SV2A: variants seen among roughly 807,000 people sequenced by gnomAD.
The protein encoded by SV2A is solute carrier family 22 member B1.
In SV2A, 25 loss-of-function variants were observed where a neutral mutation model predicts 78.0. The ratio of observed to expected loss-of-function variants is 0.32; its 90% confidence interval spans 0.23 to 0.45. The LOEUF (loss-of-function observed/expected upper bound fraction) is 0.45. Ranked by LOEUF, SV2A falls within the 20% of genes least tolerant of loss-of-function variation. The probability of loss-of-function intolerance (pLI) is 1.00; values close to 1 mark genes in which losing one functional copy is unlikely to be tolerated. For missense variants in SV2A, 752 were observed against 971.5 expected (o/e 0.77, Z 3.00); for synonymous variants, 355 against 384.7 (o/e 0.92, Z 0.90).
In SV2A at chr1:149,906,855, G is replaced by T; in HGVS notation, c.1680C>A (p.Asp560Glu). ...TGTTCACAAACTTGTACTCGAACAG[G>T]TCTGTGGGCAAAGGCCAAGATAAGC... The part of the protein sequence containing the change: ...TFINTVFYNT[D>E]LFEYKFVNSR... Residue 560 changes from aspartate to glutamate, a missense_variant and splice_region_variant, in exon 11 of 13, where the codon GAC (aspartate) becomes GAA (glutamate). Physicochemically the swap from Asp to Glu is conservative, Grantham distance 45. Coordinates refer to ENST00000369146, the MANE Select transcript of SV2A (RefSeq NM_014849.5). 2 of 1,614,164 alleles carry T rather than the reference G, an allele frequency of 1.2e-6. No individual in the cohort carries two copies. Among genetic ancestry groups the T allele is most frequent in the East Asian group, 2.2e-5 (1 of 44,892 alleles).
chr1:149,905,525 C>T (rs1341615413), intron 12 of SV2A: 1 of 294,096 alleles, frequency 3.4e-6, no homozygotes, highest in Non-Finnish European at 6.3e-6. Context: ...GCGATCTCGG[C>T]TCACTGAAAG....
Position 149,909,861 on chromosome 1 carries a change from C to T in SV2A, c.1119G>A (p.Val373=), listed in dbSNP as rs782626021. The part of the protein sequence containing the change: ...ENGKHDEAWM[V]LKQVHDTNMR... ...TGTTGGTATCATGGACCTGCTTCAG[C>T]ACCATCCAGGCCTCATCATGCTTTC... The change falls in exon 6 of 13, where the codon GTG becomes GTA. Residue 373 remains valine, a synonymous_variant. Transcript: ENST00000369146. 6.8e-6 allele frequency: 11 copies of T among 1,614,110 alleles called. No individual in the cohort carries two copies. Among genetic ancestry groups the T allele is most frequent in the Non-Finnish European group, 8.5e-6 (10 of 1,180,010 alleles).
chr1:149,917,134 C>T (rs2092519588), intron 1 of SV2A, among the ~76,000 whole-genome samples: 1 of 152,034 alleles, frequency 6.6e-6, no homozygotes, highest in Non-Finnish European at 1.5e-5. Context: ...TCCACCTTCA[C>T]TCAACATCCC....
At chr1:149,912,081 T>C in intron 2 of SV2A, 101 bp from the exon 3 acceptor site, 1 of 1,247,890 alleles carries the variant, frequency 8.0e-7, no homozygotes, top group Non-Finnish European at 1.1e-6. Context: ...GAAAAACTTC[T>C]AGAAGGTAAG....
Position 149,905,034 on chromosome 1 carries a change from G to A in SV2A, c.2209C>T (p.Arg737Trp), listed in dbSNP as rs368258942. The A allele has an allele frequency of 5.6e-6, 9 of 1,611,856 alleles. No individual in the cohort carries two copies. The highest frequency in any genetic ancestry group is 2.2e-5 in the South Asian group (2 of 90,454). The change falls in exon 13 of 13, where the codon CGG (arginine) becomes TGG (tryptophan). Residue 737 changes from arginine (R) to tryptophan (W), a missense_variant. Physicochemically the swap from Arg to Trp is moderately radical, Grantham distance 101. Around this residue, in one of 7 missense-constraint regions of SV2A, gnomAD observed 186 missense variants for 274.6 expected, o/e 0.68. Transcript: ENST00000369146. ...CCCCTTCACTGCAGCACCTGCCCCC[G>A]GGTCTCAGGCAGCTTCAGGGCCAGA... The part of the protein sequence containing the change: ...SSLALKLPET[R>W]GQVLQ
chr1:149,907,451 C>G (rs1553762933), intron 10 of SV2A, among the ~76,000 whole-genome samples: 2 of 152,188 alleles, frequency 1.3e-5, no homozygotes, highest in African/African-American at 4.8e-5. Flanking sequence ...TTTTACCTCA[C>G]TGAGTTATAA....
At position 149,916,152 on chromosome 1, in the gene SV2A, T is replaced by C. The variant is rs782635008; in HGVS notation, c.-348+1587A>G. 1.8e-4 allele frequency among the ~76,000 whole-genome samples: 27 copies of C among 152,226 alleles called. No individual in the cohort carries two copies. In the South Asian group the frequency reaches 3.9e-3, roughly 22 times the overall value. On this transcript the variant is annotated intron_variant, in intron 1 of 12. Transcript: ENST00000369146. ...TGGCAATTTGCTAGCTTTCCTCTCT[T>C]TCCTAACCAGGATCTCCCCTCCAGC...
rs781934496 is a variant in SV2A at position 149,913,295 on chromosome 1, C to T, written c.546G>A (p.Glu182=). 1.2e-6 allele frequency: 2 copies of T among 1,614,190 alleles called. No individual in the cohort carries two copies. Among genetic ancestry groups the T allele is most frequent in the South Asian group, 2.2e-5 (2 of 91,086 alleles). ...LGLALMADGV[E]VFVVGFVLPS... is the part of the protein sequence containing the mutation. The stretch of plus-strand genomic sequence containing the variant: ...GCAGCACGAAGCCCACCACAAAGAC[C>T]TCCACACCGTCAGCCATCAGCGCCA... The change falls in exon 2 of 13, where the codon GAG becomes GAA. Residue 182 remains glutamate (E), a synonymous_variant. Transcript: ENST00000369146.
chr1:149,917,504 C>T (rs1214165655), intron 1 of SV2A, among the ~76,000 whole-genome samples: 4 of 152,142 alleles, frequency 2.6e-5, no homozygotes, highest in Admixed American at 6.5e-5. Context: ...CACCCCTCCT[C>T]CCCATTCACC....
chr1:149,906,167 G>T, intron 11 of SV2A, 128 bp from the exon 12 acceptor site: 1 of 1,125,952 alleles, frequency 8.9e-7, no homozygotes, highest in Non-Finnish European at 1.2e-6. Context: ...ATCCAACCAA[G>T]GTATCCAAAA....
Position 149,905,953 on chromosome 1 carries a change from A to G in SV2A, c.1972T>C (p.Phe658Leu). Residue 658 changes from phenylalanine (F) to leucine (L), a missense_variant, in exon 12 of 13, where the codon TTT (phenylalanine) becomes CTT (leucine). By Grantham distance (22) the Phe-to-Leu change is conservative. Transcript: ENST00000369146. ...ESAMIALLCLFGGVSIASWNA... is the reference protein window; with the variant it reads ...ESAMIALLCLLGGVSIASWNA... ...CAGGATGCAATGCTGACCCCGCCAAAAAGGCAGAGCAGAGCGATCATGGCC... is the reference window on the plus strand; with the variant it reads ...CAGGATGCAATGCTGACCCCGCCAAGAAGGCAGAGCAGAGCGATCATGGCC... The G allele has an allele frequency of 6.2e-7, 1 of 1,614,210 alleles. No homozygotes were observed. The highest frequency in any genetic ancestry group is 1.1e-5 in the South Asian group (1 of 91,080).
At position 149,914,072 on chromosome 1, in the gene SV2A, G is replaced by A. The variant is rs1406226659; in HGVS notation, c.-232C>T. 1.9e-6 allele frequency: 1 copy of A among 515,268 alleles called. No homozygotes were observed. Among genetic ancestry groups the A allele is most frequent in the Non-Finnish European group, 3.2e-6 (1 of 307,784 alleles). 31.9% of individuals were successfully genotyped at this position (515,268 alleles called of 1,614,324 possible). A position where few individuals can be genotyped will look rare whatever the true frequency, so the allele number is the denominator to read the frequency against. ...CTATACCCAGTTCAGTTGGGTGGAT[G>A]GGGAAGGGACAGGGGGAGCAGGGGA... On this transcript the variant is annotated 5_prime_UTR_variant, in exon 2 of 13. Coordinates refer to ENST00000369146, the MANE Select transcript of SV2A (RefSeq NM_014849.5).
intron 1 of SV2A, among the ~76,000 whole-genome samples, chr1:149,915,303 C>G (rs1275717122): frequency 2.6e-5 from 4 of 152,182 alleles, no homozygotes; most frequent in African/African-American, 9.7e-5. Context: ...TACTTAGATG[C>G]TGTTGCCCAG....
At chr1:149,906,878 A>C (rs2092442064) in intron 10 of SV2A, 22 bp from the exon 11 acceptor site, 5 of 1,613,722 alleles carry the variant, frequency 3.1e-6, no homozygotes, top group Middle Eastern at 1.6e-4. Context: ...GGCCAAGATA[A>C]GCAGGCAGTC....
chr1:149,914,051 A>C lies in SV2A; in HGVS notation c.-211T>G. 5.1e-5 allele frequency: 31 copies of C among 613,226 alleles called. No individual in the cohort carries two copies. Among genetic ancestry groups the C allele is most frequent in the East Asian group, 9.8e-5 (3 of 30,600 alleles). 38.0% of individuals were successfully genotyped at this position (613,226 alleles called of 1,614,324 possible). On this transcript the variant is annotated 5_prime_UTR_variant, in exon 2 of 13. Transcript: ENST00000369146. ...AGGAAGGAGAGGAGCTTTGACCTAT[A>C]CCCAGTTCAGTTGGGTGGATGGGGA...
intron 1 of SV2A, among the ~76,000 whole-genome samples, chr1:149,916,678 CCTAG>C (rs587717958): frequency 3.5e-4 from 53 of 152,316 alleles, no homozygotes; most frequent in African/African-American, 1.2e-3. Flanking sequence ...CCCAGGCCTT[CCTAG>C]CTCAGGTGAC....
intron 1 of SV2A, among the ~76,000 whole-genome samples, chr1:149,915,537 G>C (rs587738459): frequency 1.3e-5 from 2 of 152,110 alleles, no homozygotes; most frequent in Non-Finnish European, 2.9e-5. Flanking sequence ...TCCACAGATG[G>C]GGGTGAGAAT....
At position 149,913,854 on chromosome 1, in the gene SV2A, G is replaced by A. The variant is rs202168392; in HGVS notation, c.-14C>T. ...GCCCTCTTCCATGATGGGGCTTGGG[G>A]CACTTCACTGGGTCTTCTCCACCTC... On this transcript the variant is annotated 5_prime_UTR_variant, in exon 2 of 13. Coordinates refer to ENST00000369146, the MANE Select transcript of SV2A (RefSeq NM_014849.5). 1.3e-6 allele frequency: 2 copies of A among 1,590,946 alleles called. No individual in the cohort carries two copies. Among genetic ancestry groups the A allele is most frequent in the Non-Finnish European group, 1.7e-6 (2 of 1,167,060 alleles).
At chr1:149,906,594 G>A in intron 11 of SV2A, 56 bp downstream of exon 11, 2 of 1,578,004 alleles carry the variant, frequency 1.3e-6, no homozygotes, top group Admixed American at 1.7e-5. Context: ...CCTGTTGACT[G>A]CCTCCCGCAG....
Sources: allele counts gnomAD v4.1 joint callset (sites outside exome capture counted in the v4.1 genomes callset), GRCh38; gene constraint gnomAD v4.1.1; regional missense constraint gnomAD v4.1.1; transcripts MANE v1.5; gene names NCBI Gene and HGNC (gene_info 2026-07-23, HGNC 2026-07-21).